SLC25A21: variants seen among roughly 807,000 people sequenced by gnomAD.
SLC25A21 encodes solute carrier family 25 member 21.
Under a neutral mutation model 43.8 loss-of-function variants are expected in SLC25A21, and 47 were observed. The observed-to-expected ratio is 1.07, with a 90% CI of 0.85 to 1.37. The LOEUF (loss-of-function observed/expected upper bound fraction) is 1.37, where lower values mean the gene tolerates loss of function less well. Among genes scored for constraint, SLC25A21 ranks in the 40% most tolerant of loss-of-function variants. The pLI is 0.00. For missense variants in SLC25A21, 352 were observed against 350.2 expected (o/e 1.00, Z -0.04); for synonymous variants, 131 against 121.3 (o/e 1.08, Z -0.52).
chr14:36,877,565 C>T (rs916777595), intron 1 of SLC25A21, among the ~76,000 whole-genome samples: 1 of 152,018 alleles, frequency 6.6e-6, no homozygotes, highest in Non-Finnish European at 1.5e-5. Context: ...AACAAACAGA[C>T]ATATAAGAAC....
At chr14:36,750,489 A>G (rs1619521) in intron 3 of SLC25A21, among the ~76,000 whole-genome samples, 55,461 of 152,034 alleles carry the variant, frequency 0.36, 10,661 homozygotes, top group South Asian at 0.53. Flanking sequence ...TGGTTTAGTC[A>G]CCTGGTCTTA....
chr14:36,886,575 A>G (rs1890919361), intron 1 of SLC25A21, among the ~76,000 whole-genome samples: 1 of 152,216 alleles, frequency 6.6e-6, no homozygotes, highest in African/African-American at 2.4e-5. Context: ...TTTCAGAGGT[A>G]TAAACCATAT....
chr14:36,814,248 G>A (rs1028887714), intron 2 of SLC25A21, among the ~76,000 whole-genome samples: 1 of 152,094 alleles, frequency 6.6e-6, no homozygotes, highest in Non-Finnish European at 1.5e-5. Flanking sequence ...TCTTAGCCAG[G>A]CAGATTTGCC....
chr14:37,029,694 C>T (rs8010125), intron 1 of SLC25A21, among the ~76,000 whole-genome samples: 3,790 of 151,902 alleles, frequency 0.025, 159 homozygotes, highest in African/African-American at 0.087. Flanking sequence ...CACCAACACC[C>T]CCACACAGAA....
At chr14:36,779,162 T>C (rs959689345) in intron 3 of SLC25A21, among the ~76,000 whole-genome samples, 3 of 136,230 alleles carry the variant, frequency 2.2e-5, no homozygotes, top group Non-Finnish European at 4.5e-5. Context: ...CCTTTTCTTC[T>C]TTAAGGCTGG....
At chr14:36,948,894 G>C (rs1464461712) in intron 1 of SLC25A21, among the ~76,000 whole-genome samples, 5 of 152,118 alleles carry the variant, frequency 3.3e-5, no homozygotes, top group Non-Finnish European at 7.4e-5. Context: ...CTCTAATGTG[G>C]CTATTCAAAA....
At chr14:37,096,410 T>C (rs1199205395) in intron 1 of SLC25A21, among the ~76,000 whole-genome samples, 2 of 152,214 alleles carry the variant, frequency 1.3e-5, no homozygotes, top group African/African-American at 4.8e-5. Context: ...TATATTTCTC[T>C]AGGTTTGGAA....
intron 1 of SLC25A21, among the ~76,000 whole-genome samples, chr14:37,027,838 A>G (rs2138763378): frequency 6.6e-6 from 1 of 152,220 alleles, no homozygotes; most frequent in East Asian, 1.9e-4. Flanking sequence ...AAGATATCAC[A>G]TGAAAATCAT....
chr14:36,681,314 T>G (rs779771400), intron 9 of SLC25A21, among the ~76,000 whole-genome samples: 2 of 152,188 alleles, frequency 1.3e-5, no homozygotes, highest in Non-Finnish European at 2.9e-5. Flanking sequence ...TGTATATGGA[T>G]TTGAACTTGA....
At chr14:36,858,661 C>T (rs933843197) in intron 2 of SLC25A21, among the ~76,000 whole-genome samples, 3 of 152,154 alleles carry the variant, frequency 2.0e-5, no homozygotes, top group Non-Finnish European at 2.9e-5. Flanking sequence ...CCTCTTTTCT[C>T]CCATTCCCCT....
chr14:36,953,206 T>A (rs1480476587), intron 1 of SLC25A21, among the ~76,000 whole-genome samples: 1 of 152,202 alleles, frequency 6.6e-6, no homozygotes, highest in Non-Finnish European at 1.5e-5. Context: ...TTCTTAATCA[T>A]CAACTTTTGA....
intron 1 of SLC25A21, among the ~76,000 whole-genome samples, chr14:36,991,351 G>A (rs901480494): frequency 4.6e-5 from 7 of 152,110 alleles, no homozygotes; most frequent in South Asian, 2.1e-4. Context: ...ATTCTGCCAC[G>A]GTGAAGCAGA....
intron 1 of SLC25A21, among the ~76,000 whole-genome samples, chr14:37,010,233 C>T (rs1329485594): frequency 6.6e-6 from 1 of 152,198 alleles, no homozygotes; most frequent in East Asian, 1.9e-4. Context: ...CTTTCCTACA[C>T]TAAACTTGTG....
chr14:36,973,361 G>A (rs184828239), intron 1 of SLC25A21, among the ~76,000 whole-genome samples: 55 of 152,316 alleles, frequency 3.6e-4, no homozygotes, highest in Non-Finnish European at 6.3e-4. Flanking sequence ...ACTGAGCAAA[G>A]GCACGTGAGA....
At chr14:36,715,834 C>G (rs536359993) in intron 6 of SLC25A21, among the ~76,000 whole-genome samples, 2 of 152,148 alleles carry the variant, frequency 1.3e-5, no homozygotes, top group Non-Finnish European at 2.9e-5. Context: ...CAGCTCATAC[C>G]TGTAATTCCA....
chr14:36,929,074 A>C (rs578105132), intron 1 of SLC25A21, among the ~76,000 whole-genome samples: 1 of 152,312 alleles, frequency 6.6e-6, no homozygotes, highest in South Asian at 2.1e-4. Flanking sequence ...TAATATAATT[A>C]TGTTTCATAG....
At chr14:36,853,912 T>C (rs928912257) in intron 2 of SLC25A21, among the ~76,000 whole-genome samples, 8 of 152,210 alleles carry the variant, frequency 5.3e-5, no homozygotes, top group African/African-American at 1.7e-4. Flanking sequence ...CCCCCTTCTA[T>C]ATAAAAGTAG....
At chr14:36,852,572 A>C (rs1889774543) in intron 2 of SLC25A21, among the ~76,000 whole-genome samples, 1 of 152,218 alleles carries the variant, frequency 6.6e-6, no homozygotes, top group African/African-American at 2.4e-5. Flanking sequence ...TATAGTGTGA[A>C]ATATGTAATT....
intron 1 of SLC25A21, among the ~76,000 whole-genome samples, chr14:37,060,423 A>G (rs11846449): frequency 0.022 from 2,992 of 136,078 alleles, 34 homozygotes; most frequent in Middle Eastern, 0.045. Context: ...TAATAATAAT[A>G]ATGATGTAAC....
Sources: gnomAD v4.1 joint callset for allele counts (sites outside exome capture counted in the v4.1 genomes callset) on GRCh38, gnomAD v4.1.1 for gene constraint, MANE v1.5 for transcripts, NCBI Gene and HGNC (gene_info 2026-07-23, HGNC 2026-07-21) for gene names.